PDE12: variants seen among roughly 807,000 people sequenced by gnomAD.
PDE12 encodes the protein 2',5'-phosphodiesterase 12.
Under a neutral mutation model 45.4 loss-of-function variants are expected in PDE12, and 26 were observed. That is an observed-to-expected ratio of 0.57 (90% CI 0.42 to 0.79). The LOEUF (loss-of-function observed/expected upper bound fraction) is 0.79, where lower values mean the gene tolerates loss of function less well. Among genes scored for constraint, PDE12 ranks in the 30% least tolerant of loss-of-function variants. PDE12 has a pLI of 0.00. For missense variants in PDE12, 668 were observed against 790.0 expected, an observed-to-expected ratio of 0.85 and a Z score of 1.85; for synonymous variants, 283 against 323.9, an observed-to-expected ratio of 0.87 and a Z score of 1.36.
the PDE12 span, chr3:57,630,559 T>A: frequency 6.4e-6 from 10 of 1,561,592 alleles, no homozygotes; most frequent in Non-Finnish European, 7.8e-6. Flanking sequence ...AAAGTTTGAT[T>A]ATAACTTATT....
the PDE12 span, chr3:57,596,887 G>A: frequency 1.6e-6 from 1 of 609,936 alleles, no homozygotes; most frequent in Non-Finnish European, 2.9e-6. Context: ...TCTGGCGACA[G>A]ATCGGGGGCG....
the PDE12 span, chr3:57,630,969 CAT>C: frequency 1.2e-6 from 2 of 1,612,994 alleles, no homozygotes; most frequent in African/African-American, 2.7e-5. Context: ...AAGCTTGCCA[CAT>C]ATCTTTCCTA....
chr3:57,634,038 A>C, the PDE12 span, among the ~76,000 whole-genome samples: 1 of 152,070 alleles, frequency 6.6e-6, no homozygotes, highest in Non-Finnish European at 1.5e-5. Flanking sequence ...ATAATTTCCA[A>C]GTTTCTAGAA....
chr3:57,587,319 C>CA, the PDE12 span, among the ~76,000 whole-genome samples: 2,176 of 42,814 alleles, frequency 0.051, 73 homozygotes, highest in Admixed American at 0.077. Context: ...AACTCAGTCT[C>CA]AAAAAAAAAA....
the PDE12 span, among the ~76,000 whole-genome samples, chr3:57,643,697 C>A: frequency 1.3e-5 from 2 of 151,724 alleles, no homozygotes; most frequent in East Asian, 3.9e-4. Context: ...TGTGGTGGTG[C>A]ATGCCTGTAA....
At chr3:57,586,955 GCA>G in the PDE12 span, among the ~76,000 whole-genome samples, 4 of 151,120 alleles carry the variant, frequency 2.6e-5, no homozygotes, top group East Asian at 1.9e-4. Flanking sequence ...ACACACACAC[GCA>G]CACACACAAA....
the PDE12 span, among the ~76,000 whole-genome samples, chr3:57,578,936 C>T: frequency 6.6e-6 from 1 of 151,886 alleles, no homozygotes; most frequent in Non-Finnish European, 1.5e-5. Flanking sequence ...AAAAGATAAA[C>T]CTTGACTCCT....
chr3:57,608,413 A>C, the PDE12 span, among the ~76,000 whole-genome samples: 4 of 152,272 alleles, frequency 2.6e-5, no homozygotes, highest in African/African-American at 9.6e-5. Context: ...TAAATGGGCT[A>C]AATGCTCCAA....
the PDE12 span, among the ~76,000 whole-genome samples, chr3:57,646,695 C>T: frequency 9.2e-5 from 14 of 152,096 alleles, no homozygotes; most frequent in African/African-American, 3.4e-4. Flanking sequence ...CACAGAATAA[C>T]TGACAATAAA....
the PDE12 span, among the ~76,000 whole-genome samples, chr3:57,580,981 G>C: frequency 6.6e-6 from 1 of 152,062 alleles, no homozygotes; most frequent in Non-Finnish European, 1.5e-5. Context: ...ATTATTTTAG[G>C]TATTAATCCC....
the PDE12 span, among the ~76,000 whole-genome samples, chr3:57,605,662 A>G: frequency 6.6e-6 from 1 of 152,326 alleles, no homozygotes; most frequent in Non-Finnish European, 1.5e-5. Flanking sequence ...ATATCAAACA[A>G]GGTAAAATTC....
the PDE12 span, among the ~76,000 whole-genome samples, chr3:57,623,604 G>C: frequency 9.2e-5 from 14 of 152,296 alleles, no homozygotes; most frequent in East Asian, 2.7e-3. Context: ...GCTTGAACCT[G>C]GGAGGTGGAG....
the PDE12 span, chr3:57,633,309 G>A: frequency 1.2e-6 from 2 of 1,613,746 alleles, no homozygotes; most frequent in Non-Finnish European, 1.7e-6. Context: ...AAATAGCGTC[G>A]AAGAATAACA....
the PDE12 span, among the ~76,000 whole-genome samples, chr3:57,631,823 T>C: frequency 0.14 from 19,427 of 142,018 alleles, 1,381 homozygotes; most frequent in South Asian, 0.22. Context: ...CTTGGGTTCA[T>C]GCCATTCTCC....
chr3:57,647,751 T>C, the PDE12 span, among the ~76,000 whole-genome samples: 2 of 149,234 alleles, frequency 1.3e-5, no homozygotes, highest in Admixed American at 6.8e-5. Flanking sequence ...AGGCTTGACC[T>C]GGTGTTGAGA....
At chr3:57,628,916 T>C in the PDE12 span, 1 of 1,584,788 alleles carries the variant, frequency 6.3e-7, no homozygotes, top group African/African-American at 1.4e-5. Context: ...AATCAGTAAG[T>C]TCTCAAAATA....
the PDE12 span, among the ~76,000 whole-genome samples, chr3:57,644,362 G>T: frequency 6.6e-6 from 1 of 151,930 alleles, no homozygotes; most frequent in Non-Finnish European, 1.5e-5. Context: ...CTGGAGTCCA[G>T]TGGCACGATC....
Position 57,556,351 on chromosome 3 carries a change from G to T in PDE12, c.-29G>T. 6.5e-7 allele frequency: 1 copy of T among 1,530,468 alleles called. No individual in the cohort carries two copies. The highest frequency in any genetic ancestry group is 2.0e-5 in the Admixed American group (1 of 49,926). The allele number at this position is 1,530,468 out of a possible 1,614,324, so 94.8% of individuals were successfully genotyped here. ...ACAGTAGGCCGCTGATCGGCCGCGG[G>T]TCTTGTCGACCGCTAGGCCACCAGG... On this transcript the variant is annotated 5_prime_UTR_variant, in exon 1 of 3. Transcript: ENST00000311180. The surrounding 1 kb of genome is among the most constrained non-coding windows in gnomAD (Gnocchi z 5.0).
Position 57,559,940 on chromosome 3 carries a change from C to G in PDE12, c.1766C>G (p.Ala589Gly). ...PSHEEVTTHQ[A>G]LPSVSHPSDH... ...CATGAAGAAGTTACCACCCACCAGG[C>G]CTTACCTAGTGTTTCCCATCCCTCT... The change falls in exon 3 of 3, where the codon GCC becomes GGC. Residue 589 changes from alanine (A) to glycine (G), a missense_variant. Physicochemically the swap from Ala to Gly is moderately conservative, Grantham distance 60 (BLOSUM62 0). Around this residue, in one of 3 missense-constraint regions of PDE12, gnomAD observed 79 missense variants for 97.9 expected, o/e 0.81. Transcript: ENST00000311180. 1 of 1,613,352 alleles carries G rather than the reference C, an allele frequency of 6.2e-7. No individual in the cohort carries two copies.
Sources: gnomAD v4.1 joint callset for allele counts (sites outside exome capture counted in the v4.1 genomes callset) on GRCh38, gnomAD v4.1.1 for gene constraint, gnomAD v4.1.1 regional missense constraint, Gnocchi (gnomAD v3.1) non-coding constraint, MANE v1.5 for transcripts, NCBI Gene and HGNC (gene_info 2026-07-23, HGNC 2026-07-21) for gene names.